Variants in CADPS2 observed in about 807,000 individuals in gnomAD.
CADPS2 encodes the protein calcium-dependent secretion activator 2.
A neutral mutation model predicts 172.5 loss-of-function variants in CADPS2; 93 were observed. The observed-to-expected ratio is 0.54, with a 90% confidence interval of 0.46 to 0.64. The LOEUF (loss-of-function observed/expected upper bound fraction) is 0.64. Among genes scored for constraint, CADPS2 ranks in the 30% least tolerant of loss-of-function variants. The probability of loss-of-function intolerance (pLI) is 0.00; values close to 1 mark genes in which losing one functional copy is unlikely to be tolerated. For synonymous variants in CADPS2, 546 were observed against 555.2 expected (o/e 0.98, Z 0.23); for missense variants, 1,420 against 1,565.9 (o/e 0.91, Z 1.57).
chr7:122,572,915 C>A (rs2067463218), intron 7 of CADPS2, among the ~76,000 whole-genome samples: 1 of 152,110 alleles, frequency 6.6e-6, no homozygotes, highest in African/African-American at 2.4e-5. Flanking sequence ...CATATGCCAC[C>A]TCTATTTCCG....
intron 6 of CADPS2, among the ~76,000 whole-genome samples, chr7:122,590,236 T>C (rs1013148259): frequency 6.6e-6 from 1 of 151,738 alleles, no homozygotes; most frequent in Non-Finnish European, 1.5e-5. Context: ...TAAAAAATAA[T>C]GGCAATCAAA....
intron 25 of CADPS2, among the ~76,000 whole-genome samples, chr7:122,364,219 T>C (rs1439343249): frequency 6.6e-6 from 1 of 151,810 alleles, no homozygotes; most frequent in African/African-American, 2.4e-5. Flanking sequence ...AAGACCAGCC[T>C]GGACAACATA....
intron 2 of CADPS2, among the ~76,000 whole-genome samples, chr7:122,705,456 T>G (rs554094545): frequency 7.4e-6 from 1 of 135,732 alleles, no homozygotes; most frequent in Admixed American, 8.4e-5. Flanking sequence ...TTATATATTA[T>G]CTATATTATA....
chr7:122,610,766 C>T (rs760823997), intron 6 of CADPS2, among the ~76,000 whole-genome samples: 3 of 152,036 alleles, frequency 2.0e-5, no homozygotes, highest in Non-Finnish European at 4.4e-5. Context: ...GTTGCACTCC[C>T]TCAAAATCTC....
At chr7:122,676,732 C>T in intron 2 of CADPS2, 2 of 1,480,054 alleles carry the variant, frequency 1.4e-6, no homozygotes, top group East Asian at 4.6e-5. Flanking sequence ...GGGGCCAACT[C>T]AGAGGCAGAT....
At chr7:122,646,140 C>T (rs925509084) in intron 3 of CADPS2, among the ~76,000 whole-genome samples, 1 of 151,922 alleles carries the variant, frequency 6.6e-6, no homozygotes, top group African/African-American at 2.4e-5. Context: ...CACTTGCATA[C>T]CAAAAACTGT....
chr7:122,433,354 T>C (rs992361854), intron 17 of CADPS2, among the ~76,000 whole-genome samples: 3 of 152,116 alleles, frequency 2.0e-5, no homozygotes, highest in African/African-American at 2.4e-5. Flanking sequence ...AGTTTTCCCT[T>C]CAATCAATTT....
At chr7:122,488,309 G>T (rs189385277) in intron 11 of CADPS2, among the ~76,000 whole-genome samples, 3 of 152,296 alleles carry the variant, frequency 2.0e-5, no homozygotes, top group African/African-American at 7.2e-5. Context: ...CCCAATGCAG[G>T]CACAGTCCAG....
At chr7:122,809,671 G>A (rs544800647) in intron 1 of CADPS2, among the ~76,000 whole-genome samples, 1 of 151,894 alleles carries the variant, frequency 6.6e-6, no homozygotes, top group East Asian at 1.9e-4. Flanking sequence ...TTTTATAATG[G>A]TCCAAGGAAA....
intron 20 of CADPS2, among the ~76,000 whole-genome samples, chr7:122,406,721 G>A (rs1212430720): frequency 7.2e-5 from 11 of 152,300 alleles, no homozygotes; most frequent in Admixed American, 2.6e-4. Flanking sequence ...ATTGATCAAA[G>A]AGAATGGGTC....
chr7:122,388,693 T>G lies in CADPS2; in HGVS notation c.3054A>C (p.Ala1018=). ...GCAGATCAAAGACAAACATTTGCAG[T>G]GCATCAAGCTTCCAAAAAAGGTCTT... ...TSEDLFWKLD[A]LQMFVFDLHW... Residue 1018 remains alanine, a synonymous_variant, in exon 23 of 30, where the codon GCA becomes GCC. Transcript: ENST00000449022. 6.2e-7 allele frequency: 1 copy of G among 1,609,364 alleles called. No individual in the cohort carries two copies. Among genetic ancestry groups the G allele is most frequent in the Non-Finnish European group, 8.5e-7 (1 of 1,177,048 alleles).
intron 3 of CADPS2, among the ~76,000 whole-genome samples, chr7:122,633,804 C>T (rs2076799770): frequency 2.0e-5 from 3 of 152,214 alleles, no homozygotes; most frequent in Admixed American, 1.3e-4. Context: ...AGCTCTTCTC[C>T]ATCCAGTATG....
At chr7:122,600,844 G>A (rs73435706) in intron 6 of CADPS2, among the ~76,000 whole-genome samples, 6,455 of 152,126 alleles carry the variant, frequency 0.042, 147 homozygotes, top group South Asian at 0.1. Context: ...CAGAGAACAC[G>A]AGAATGAGGC....
chr7:122,408,713 C>T (rs918595348), intron 19 of CADPS2, among the ~76,000 whole-genome samples: 1 of 152,090 alleles, frequency 6.6e-6, no homozygotes, highest in Non-Finnish European at 1.5e-5. Flanking sequence ...TGGTGTAAGC[C>T]ACGGCACCTG....
chr7:122,702,794 A>T, intron 2 of CADPS2: 1 of 1,398,518 alleles, frequency 7.2e-7, no homozygotes, highest in Non-Finnish European at 9.7e-7. Context: ...AAAACAAAAC[A>T]ACATCAGTTG....
chr7:122,816,084 C>A (rs970497462), intron 1 of CADPS2, among the ~76,000 whole-genome samples: 3 of 152,044 alleles, frequency 2.0e-5, no homozygotes, highest in African/African-American at 7.2e-5. Flanking sequence ...TAACTACAGT[C>A]ACCTTATCAT....
Position 122,626,013 on chromosome 7 carries a change from C to T in CADPS2, c.867+3235G>A, listed in dbSNP as rs545012889. Among the ~76,000 whole-genome samples, 311 of 152,168 alleles carry T rather than the reference C, an allele frequency of 2.0e-3. 1 individual carries two copies. The highest frequency in any genetic ancestry group is 3.3e-3 in the Non-Finnish European group (225 of 68,016). On this transcript the variant is annotated intron_variant, in intron 4 of 29. Coordinates refer to ENST00000449022, the MANE Select transcript of CADPS2 (RefSeq NM_017954.11). ...TGCAGGTGAAGAGTCAGGGCCAAGA[C>T]CCTGTGGCAAGGAAAGGCAAGGAGG...
intron 7 of CADPS2, among the ~76,000 whole-genome samples, chr7:122,575,196 G>A (rs2132650734): frequency 6.6e-6 from 1 of 151,734 alleles, no homozygotes; most frequent in East Asian, 1.9e-4. Flanking sequence ...AAAGGTGGTG[G>A]GAGCATCTAA....
chr7:122,378,370 G>C (rs933991413), intron 25 of CADPS2, among the ~76,000 whole-genome samples: 1 of 152,128 alleles, frequency 6.6e-6, no homozygotes, highest in South Asian at 2.1e-4. Flanking sequence ...ATGTAGGAAA[G>C]GTGAGTGTCT....
Sources: gnomAD v4.1 joint callset for allele counts (sites outside exome capture counted in the v4.1 genomes callset) on GRCh38, gnomAD v4.1.1 for gene constraint, MANE v1.5 for transcripts, NCBI Gene and HGNC (gene_info 2026-07-23, HGNC 2026-07-21) for gene names.